Variants in BMPR1B observed in about 807,000 individuals in gnomAD.
BMPR1B encodes the protein bone morphogenetic protein receptor type 1B.
In BMPR1B, 12 loss-of-function variants were observed where a neutral mutation model predicts 59.1. That is an observed-to-expected ratio of 0.20 (90% CI 0.13 to 0.33). The LOEUF (loss-of-function observed/expected upper bound fraction) is 0.33. BMPR1B is among the 10% of genes least tolerant of loss of function. The pLI is 1.00. For synonymous variants in BMPR1B, 237 were observed against 207.3 expected (o/e 1.14, Z -1.23); for missense variants, 550 against 610.9 (o/e 0.90, Z 1.05).
chr4:95,136,037 A>G lies in BMPR1B; in HGVS notation c.1076+4525A>G, dbSNP rs368096790. Among the ~76,000 whole-genome samples, 7 of 152,236 alleles carry G rather than the reference A, an allele frequency of 4.6e-5. No homozygotes were observed. The East Asian group carries it at 1.2e-3, about 25-fold the overall frequency. On this transcript the variant is annotated intron_variant, in intron 10 of 12. Coordinates refer to ENST00000515059, the MANE Select transcript of BMPR1B (RefSeq NM_001203.3). The stretch of plus-strand genomic sequence containing the variant: ...CTCTTATTATTTTGAGATACGTCCC[A>G]TCAATAACTAGTTTTTTGAGAGTTT...
intron 2 of BMPR1B, among the ~76,000 whole-genome samples, chr4:94,881,067 A>G (rs1726949794): frequency 6.6e-6 from 1 of 152,192 alleles, no homozygotes; most frequent in South Asian, 2.1e-4. Flanking sequence ...ATACCATAAA[A>G]TGGACAATTT....
intron 3 of BMPR1B, chr4:95,091,522 G>T (rs1326673677): frequency 1.0e-6 from 1 of 985,250 alleles, no homozygotes; most frequent in South Asian, 4.7e-5. Context: ...TGCTGCCTAC[G>T]GTGCTGGGCT....
intron 3 of BMPR1B, among the ~76,000 whole-genome samples, chr4:95,100,985 C>G (rs1341873740): frequency 1.3e-5 from 2 of 151,980 alleles, no homozygotes; most frequent in East Asian, 3.9e-4. Context: ...TTTCAAATAC[C>G]TATTTACCCT....
At chr4:95,118,725 G>T (rs930597766) in intron 6 of BMPR1B, among the ~76,000 whole-genome samples, 1 of 152,146 alleles carries the variant, frequency 6.6e-6, no homozygotes, top group Non-Finnish European at 1.5e-5. Flanking sequence ...CTCTGGCTGT[G>T]GCTTGAATGT....
chr4:95,039,954 A>T (rs1395329529), intron 3 of BMPR1B, among the ~76,000 whole-genome samples: 3 of 152,204 alleles, frequency 2.0e-5, no homozygotes, highest in Non-Finnish European at 4.4e-5. Context: ...ATGCACATAG[A>T]TTTAAAATGC....
chr4:95,043,729 G>C (rs986846282), intron 3 of BMPR1B, among the ~76,000 whole-genome samples: 2 of 152,166 alleles, frequency 1.3e-5, no homozygotes, highest in Non-Finnish European at 2.9e-5. Flanking sequence ...TATTTTAAGA[G>C]AACACAGTTT....
At chr4:95,014,172 A>G (rs1328040328) in intron 3 of BMPR1B, among the ~76,000 whole-genome samples, 1 of 152,226 alleles carries the variant, frequency 6.6e-6, no homozygotes, top group East Asian at 1.9e-4. Context: ...GAGACAGCTA[A>G]TAAGTAGTAA....
At chr4:94,915,701 G>A (rs541872304) in intron 2 of BMPR1B, among the ~76,000 whole-genome samples, 9 of 152,226 alleles carry the variant, frequency 5.9e-5, no homozygotes, top group Non-Finnish European at 8.8e-5. Context: ...CATAGTTGCC[G>A]CTTGTTTGTG....
At chr4:95,029,322 C>G (rs1401888476) in intron 3 of BMPR1B, among the ~76,000 whole-genome samples, 3 of 147,198 alleles carry the variant, frequency 2.0e-5, no homozygotes, top group Non-Finnish European at 4.5e-5. Flanking sequence ...TGTTCAGTTC[C>G]CACCTATGAG....
chr4:95,066,017 A>G (rs1727774445), intron 3 of BMPR1B, among the ~76,000 whole-genome samples: 1 of 152,120 alleles, frequency 6.6e-6, no homozygotes, highest in Non-Finnish European at 1.5e-5. Flanking sequence ...CTGCTTGCTT[A>G]AGGGGAAATG....
At chr4:95,099,794 T>G (rs1011868590) in intron 3 of BMPR1B, among the ~76,000 whole-genome samples, 8 of 152,242 alleles carry the variant, frequency 5.3e-5, no homozygotes, top group Non-Finnish European at 1.2e-4. Context: ...TACTCTTTCT[T>G]TATTATTCAA....
In BMPR1B at chr4:95,145,807, AG is replaced by A. The variant is rs539882182; in HGVS notation, c.1077-2939del. Among the ~76,000 whole-genome samples, 10 of 152,360 alleles carry A rather than the reference AG, an allele frequency of 6.6e-5. No individual in the cohort carries two copies. In the East Asian group the frequency reaches 1.9e-3, roughly 29 times the overall value. On this transcript the variant is annotated intron_variant, in intron 10 of 12. Coordinates refer to ENST00000515059, the MANE Select transcript of BMPR1B (RefSeq NM_001203.3). ...GTTTGTTGTTTAAGTGTAGTGCTAA[AG>A]GCACTTGCCAATAGGTTGATAGTGA...
intron 1 of BMPR1B, among the ~76,000 whole-genome samples, chr4:94,853,237 A>G (rs1345690970): frequency 4.6e-5 from 7 of 152,188 alleles, no homozygotes; most frequent in Non-Finnish European, 2.9e-5. Context: ...TAAAAATGAA[A>G]AGTTTCTTTG....
At chr4:94,846,726 TC>T (rs1354159390) in intron 1 of BMPR1B, among the ~76,000 whole-genome samples, 2 of 24,970 alleles carry the variant, frequency 8.0e-5, no homozygotes, top group African/African-American at 9.4e-4. Context: ...TATCTATATA[TC>T]TATATCTATA....
At chr4:94,770,182 GTT>G (rs1215939344) in intron 1 of BMPR1B, among the ~76,000 whole-genome samples, 1 of 40,016 alleles carries the variant, frequency 2.5e-5, no homozygotes, top group South Asian at 7.7e-4. Context: ...TCGTTTCTGT[GTT>G]TGTTTTTTTT....
At chr4:94,936,379 A>G (rs1170409301) in intron 2 of BMPR1B, among the ~76,000 whole-genome samples, 1 of 152,192 alleles carries the variant, frequency 6.6e-6, no homozygotes, top group African/African-American at 2.4e-5. Flanking sequence ...GCCAAATAGG[A>G]TGAGTGACTG....
rs1735285636 is a variant in BMPR1B at position 95,154,685 on chromosome 4, A to G, written c.*12A>G. The G allele has an allele frequency of 6.2e-7, 1 of 1,613,952 alleles. No individual in the cohort carries two copies. Among genetic ancestry groups the G allele is most frequent in the Non-Finnish European group, 8.5e-7 (1 of 1,179,884 alleles). ...ACATTAAACTCTGATAGGAGAGGAA[A>G]AGTAAGCATCTCTGCAGAAAGCCAA... On this transcript the variant is annotated 3_prime_UTR_variant, in exon 13 of 13. Coordinates refer to ENST00000515059, the MANE Select transcript of BMPR1B (RefSeq NM_001203.3).
chr4:94,912,181 A>G (rs952109546), intron 2 of BMPR1B, among the ~76,000 whole-genome samples: 9 of 152,120 alleles, frequency 5.9e-5, no homozygotes, highest in Non-Finnish European at 1.3e-4. Context: ...TGATTGAATT[A>G]TCTCCCACCG....
chr4:94,968,436 G>A (rs967971619), intron 2 of BMPR1B, among the ~76,000 whole-genome samples: 2 of 152,010 alleles, frequency 1.3e-5, no homozygotes, highest in Non-Finnish European at 2.9e-5. Flanking sequence ...AATGAAAATG[G>A]TATATTGAAT....
Sources: gnomAD v4.1 joint callset for allele counts (sites outside exome capture counted in the v4.1 genomes callset) on GRCh38, gnomAD v4.1.1 for gene constraint, MANE v1.5 for transcripts, NCBI Gene and HGNC (gene_info 2026-07-23, HGNC 2026-07-21) for gene names.